ZNF385B: variants seen among roughly 807,000 people sequenced by gnomAD.
ZNF385B encodes zinc finger protein 533.
A neutral mutation model predicts 39.2 loss-of-function variants in ZNF385B; 23 were observed. That is an observed-to-expected ratio of 0.59 (90% CI 0.42 to 0.83). The LOEUF (loss-of-function observed/expected upper bound fraction) is 0.83, where lower values mean the gene tolerates loss of function less well. Ranked by LOEUF, ZNF385B falls within the 40% of genes least tolerant of loss-of-function variation. ZNF385B has a pLI of 0.00. For missense variants in ZNF385B, 552 were observed against 598.9 expected (o/e 0.92, Z 0.82); for synonymous variants, 205 against 222.6 (o/e 0.92, Z 0.70).
chr2:179,718,508 T>A (rs1223072848), intron 3 of ZNF385B, among the ~76,000 whole-genome samples: 1 of 147,980 alleles, frequency 6.8e-6, no homozygotes, highest in Non-Finnish European at 1.5e-5. Flanking sequence ...ATAATCATTA[T>A]ATATTATATA....
At chr2:179,844,604 C>T (rs1708705441) in intron 1 of ZNF385B, among the ~76,000 whole-genome samples, 1 of 151,960 alleles carries the variant, frequency 6.6e-6, no homozygotes, top group Admixed American at 6.6e-5. Context: ...AAAAGGAAAC[C>T]AAGGTGAAAA....
At chr2:179,595,423 C>T (rs892198406) in intron 3 of ZNF385B, among the ~76,000 whole-genome samples, 2 of 152,108 alleles carry the variant, frequency 1.3e-5, no homozygotes, top group African/African-American at 4.8e-5. Context: ...TGGGTTCCAT[C>T]ATTCAGGAAT....
intron 3 of ZNF385B, chr2:179,576,203 G>C: frequency 2.0e-6 from 2 of 984,786 alleles, no homozygotes; most frequent in Non-Finnish European, 2.4e-6. Flanking sequence ...ATCATTACTG[G>C]ACTCCTTCAC....
At chr2:179,651,459 C>T (rs1693185249) in intron 3 of ZNF385B, among the ~76,000 whole-genome samples, 1 of 152,108 alleles carries the variant, frequency 6.6e-6, no homozygotes, top group East Asian at 1.9e-4. Context: ...ATTTAAAGGT[C>T]CTTCACTGGA....
At chr2:179,716,659 C>G (rs999686788) in intron 3 of ZNF385B, among the ~76,000 whole-genome samples, 1 of 152,202 alleles carries the variant, frequency 6.6e-6, no homozygotes, top group East Asian at 1.9e-4. Context: ...GGTGAATTGG[C>G]AAGTTGCTTT....
At chr2:179,497,239 C>T (rs2056311128) in intron 5 of ZNF385B, among the ~76,000 whole-genome samples, 1 of 152,058 alleles carries the variant, frequency 6.6e-6, no homozygotes, top group Admixed American at 6.6e-5. Flanking sequence ...AGTAAATACA[C>T]AGAAAAACAC....
chr2:179,807,917 AG>A (rs1706473494), intron 1 of ZNF385B, among the ~76,000 whole-genome samples: 3 of 151,172 alleles, frequency 2.0e-5, no homozygotes, highest in African/African-American at 7.3e-5. Flanking sequence ...AAAGAAAGAA[AG>A]AAAGAAAGAA....
chr2:179,787,210 T>A (rs1348625086), intron 1 of ZNF385B, among the ~76,000 whole-genome samples: 2 of 152,100 alleles, frequency 1.3e-5, no homozygotes, highest in African/African-American at 2.4e-5. Flanking sequence ...GATTTTTGGA[T>A]CATTATGGAT....
intron 3 of ZNF385B, among the ~76,000 whole-genome samples, chr2:179,719,512 A>G (rs1426646287): frequency 2.6e-5 from 4 of 152,254 alleles, no homozygotes; most frequent in Non-Finnish European, 5.9e-5. Flanking sequence ...GCTTACTAAC[A>G]TCTGAGCTTC....
At chr2:179,462,119 G>C (rs1380254617) in intron 6 of ZNF385B, among the ~76,000 whole-genome samples, 1 of 152,096 alleles carries the variant, frequency 6.6e-6, no homozygotes, top group Admixed American at 6.6e-5. Flanking sequence ...GCAGTGAAAG[G>C]ACTGATGGTC....
At chr2:179,629,834 T>G (rs1691028331) in intron 3 of ZNF385B, among the ~76,000 whole-genome samples, 1 of 152,198 alleles carries the variant, frequency 6.6e-6, no homozygotes, top group Non-Finnish European at 1.5e-5. Context: ...TTTCCCAAGG[T>G]CTTAGCAACT....
chr2:179,697,194 G>A (rs952433565), intron 3 of ZNF385B, among the ~76,000 whole-genome samples: 1 of 151,970 alleles, frequency 6.6e-6, no homozygotes, highest in Non-Finnish European at 1.5e-5. Context: ...ATTCATACTC[G>A]GTCCACTACC....
At chr2:179,817,837 G>A (rs1575546749) in intron 1 of ZNF385B, among the ~76,000 whole-genome samples, 1 of 152,288 alleles carries the variant, frequency 6.6e-6, no homozygotes, top group South Asian at 2.1e-4. Flanking sequence ...GTGAGTTTAT[G>A]TGTGTCAATC....
chr2:179,829,979 G>C (rs1243362745), intron 1 of ZNF385B, among the ~76,000 whole-genome samples: 1 of 152,160 alleles, frequency 6.6e-6, no homozygotes, highest in East Asian at 1.9e-4. Flanking sequence ...ACATATATGT[G>C]ATAAAGAACT....
At chr2:179,590,487 T>C (rs1687465069) in intron 3 of ZNF385B, among the ~76,000 whole-genome samples, 2 of 152,222 alleles carry the variant, frequency 1.3e-5, no homozygotes, top group Admixed American at 1.3e-4. Flanking sequence ...TTTATTTCTT[T>C]ATTTCTCCAT....
intron 3 of ZNF385B, among the ~76,000 whole-genome samples, chr2:179,731,959 G>A (rs1034438544): frequency 6.6e-6 from 1 of 152,106 alleles, no homozygotes; most frequent in Non-Finnish European, 1.5e-5. Context: ...GGCATGACAC[G>A]AACAGACCAC....
intron 3 of ZNF385B, among the ~76,000 whole-genome samples, chr2:179,736,727 T>C (rs535005120): frequency 3.3e-5 from 5 of 152,178 alleles, no homozygotes; most frequent in African/African-American, 1.2e-4. Flanking sequence ...CCTAGCACTT[T>C]GGAAGGCCCA....
At chr2:179,853,232 A>C (rs1684322460) in intron 1 of ZNF385B, among the ~76,000 whole-genome samples, 1 of 152,244 alleles carries the variant, frequency 6.6e-6, no homozygotes, top group South Asian at 2.1e-4. Flanking sequence ...CCTGAAAAAA[A>C]GACTGTCCTT....
chr2:179,477,842 G>C (rs2053592420), intron 6 of ZNF385B, among the ~76,000 whole-genome samples: 1 of 151,680 alleles, frequency 6.6e-6, no homozygotes, highest in African/African-American at 2.4e-5. Flanking sequence ...AAACACTACA[G>C]ATAATGTCCC....
Sources: gnomAD v4.1 joint callset for allele counts (sites outside exome capture counted in the v4.1 genomes callset) on GRCh38, gnomAD v4.1.1 for gene constraint, MANE v1.5 for transcripts, NCBI Gene and HGNC (gene_info 2026-07-23, HGNC 2026-07-21) for gene names.